DYM: variants seen among roughly 807,000 people sequenced by gnomAD.
The protein encoded by DYM is dymeclin.
A neutral mutation model predicts 93.1 loss-of-function variants in DYM; 78 were observed. The observed-to-expected ratio is 0.84, with a 90% CI of 0.70 to 1.01. DYM has a LOEUF of 1.01. DYM is among the 50% of genes least tolerant of loss of function. The probability of loss-of-function intolerance (pLI) is 0.00; values close to 1 mark genes in which losing one functional copy is unlikely to be tolerated. For synonymous variants in DYM, 321 were observed against 319.7 expected (o/e 1.00, Z -0.04); for missense variants, 789 against 845.0 (o/e 0.93, Z 0.82).
intron 17 of DYM, among the ~76,000 whole-genome samples, chr18:49,067,468 A>AGG: frequency 7.3e-6 from 1 of 136,620 alleles, no homozygotes; most frequent in Non-Finnish European, 1.6e-5. Context: ...GAAGTTTGGT[A>AGG]GGAGAAGGAG....
Position 49,331,970 on chromosome 18 carries a change from T to C in DYM, c.657A>G (p.Leu219=), listed in dbSNP as rs374918991. ...PYTSKLVKTL[L]YNFIRQEKPP... is the part of the protein sequence containing the mutation. ...GCTTTTCTTGTCTGATAAAGTTATA[T>C]AATAAGGTCTTCACAAGTTTGCTGG... Residue 219 remains leucine, a synonymous_variant, in exon 8 of 18, where the codon TTA becomes TTG. Transcript: ENST00000675505. 5.0e-6 allele frequency: 8 copies of C among 1,613,938 alleles called. No individual in the cohort carries two copies. The highest frequency in any genetic ancestry group is 4.5e-5 in the East Asian group (2 of 44,868).
chr18:49,309,521 G>A (rs1238643508), intron 8 of DYM, among the ~76,000 whole-genome samples: 1 of 152,114 alleles, frequency 6.6e-6, no homozygotes, highest in East Asian at 1.9e-4. Flanking sequence ...TGTAGTTCCA[G>A]CTACTCAGCA....
chr18:49,429,876 CATA>C (rs376228657), intron 2 of DYM, among the ~76,000 whole-genome samples: 60 of 152,254 alleles, frequency 3.9e-4, no homozygotes, highest in African/African-American at 1.4e-3. Flanking sequence ...AAATGTGCTA[CATA>C]TACAAGATAT....
chr18:49,052,249 C>A (rs1053618375), intron 17 of DYM, among the ~76,000 whole-genome samples: 6 of 152,190 alleles, frequency 3.9e-5, no homozygotes, highest in Admixed American at 3.9e-4. Context: ...ATTCAGTCAA[C>A]CTGGGTAGGC....
chr18:49,095,651 C>T (rs1000854798), intron 17 of DYM, among the ~76,000 whole-genome samples: 6 of 151,970 alleles, frequency 3.9e-5, no homozygotes, highest in Non-Finnish European at 8.8e-5. Context: ...TGCCTGGGAC[C>T]CACCATAGAT....
intron 13 of DYM, among the ~76,000 whole-genome samples, chr18:49,220,402 T>C (rs2093298978): frequency 6.7e-6 from 1 of 150,218 alleles, no homozygotes. Context: ...TGGAAAAAAC[T>C]ACTTTAAAGT....
At chr18:49,203,162 C>A (rs376848622) in intron 14 of DYM, among the ~76,000 whole-genome samples, 1 of 82,242 alleles carries the variant, frequency 1.2e-5, no homozygotes, top group Non-Finnish European at 2.6e-5. Context: ...CCAGCCGCCC[C>A]GTCCGGGAGG....
chr18:49,086,413 T>C (rs1046131704), intron 17 of DYM, among the ~76,000 whole-genome samples: 1 of 152,172 alleles, frequency 6.6e-6, no homozygotes, highest in Non-Finnish European at 1.5e-5. Context: ...CATGAATGGA[T>C]TAATCTAGTC....
intron 1 of DYM, among the ~76,000 whole-genome samples, chr18:49,441,269 A>T (rs1340130098): frequency 2.7e-5 from 1 of 36,740 alleles, no homozygotes; most frequent in Non-Finnish European, 4.5e-5. Context: ...TAATTATATA[A>T]TATATATTAT....
intron 14 of DYM, among the ~76,000 whole-genome samples, chr18:49,170,800 A>G (rs2088596780): frequency 6.7e-6 from 1 of 149,840 alleles, no homozygotes; most frequent in Admixed American, 6.6e-5. Flanking sequence ...AAAAAAAAAA[A>G]AAAAAAAAGC....
chr18:49,454,114 G>A (rs2082763313), intron 1 of DYM, among the ~76,000 whole-genome samples: 1 of 152,120 alleles, frequency 6.6e-6, no homozygotes, highest in Admixed American at 6.6e-5. Flanking sequence ...CCCAGGAGGA[G>A]CCCTAGCTGC....
intron 8 of DYM, among the ~76,000 whole-genome samples, chr18:49,310,679 C>T (rs994413362): frequency 4.6e-5 from 7 of 152,124 alleles, no homozygotes; most frequent in Non-Finnish European, 8.8e-5. Flanking sequence ...GGCCATTTCA[C>T]TTTGTTGCTA....
intron 14 of DYM, among the ~76,000 whole-genome samples, chr18:49,178,466 C>T (rs1250263852): frequency 6.6e-6 from 1 of 152,112 alleles, no homozygotes; most frequent in African/African-American, 2.4e-5. Flanking sequence ...ATCTCTATCC[C>T]AAATACTTTC....
At chr18:49,379,801 T>A in intron 3 of DYM, 43 bp from the exon 4 acceptor site, 1 of 1,474,286 alleles carries the variant, frequency 6.8e-7, no homozygotes, top group Non-Finnish European at 9.5e-7. Flanking sequence ...ATTTAAGAAC[T>A]AAAATCAAAG....
intron 6 of DYM, among the ~76,000 whole-genome samples, chr18:49,339,037 G>A (rs529496509): frequency 8.6e-4 from 130 of 152,006 alleles, no homozygotes; most frequent in African/African-American, 3.1e-3. Flanking sequence ...CCAATAAAAA[G>A]GCAGGAACTC....
intron 15 of DYM, among the ~76,000 whole-genome samples, chr18:49,145,109 A>ACATATATG: frequency 3.1e-5 from 1 of 32,186 alleles, no homozygotes; most frequent in Non-Finnish European, 5.4e-5. Context: ...AAAAAAATTC[A>ACATATATG]TATATATATA....
chr18:49,213,406 A>G (rs2092883793), intron 13 of DYM, among the ~76,000 whole-genome samples: 1 of 150,408 alleles, frequency 6.6e-6, no homozygotes, highest in Admixed American at 6.7e-5. Context: ...AAGCAATTCT[A>G]CCGGGTTCAA....
At chr18:49,150,496 G>A (rs1600161155) in intron 15 of DYM, among the ~76,000 whole-genome samples, 1 of 152,204 alleles carries the variant, frequency 6.6e-6, no homozygotes, top group Admixed American at 6.5e-5. Context: ...CATTGAGAAG[G>A]TGGCTGTCTG....
intron 2 of DYM, among the ~76,000 whole-genome samples, chr18:49,423,411 T>C (rs538251683): frequency 6.6e-6 from 1 of 152,060 alleles, no homozygotes. Flanking sequence ...AGAGGGAAAT[T>C]TATAGCACTA....
Sources: gnomAD v4.1 joint callset for allele counts (sites outside exome capture counted in the v4.1 genomes callset) on GRCh38, gnomAD v4.1.1 for gene constraint, MANE v1.5 for transcripts, NCBI Gene and HGNC (gene_info 2026-07-23, HGNC 2026-07-21) for gene names.